Variants in FRMD3 observed in about 807,000 individuals in gnomAD.
FRMD3 encodes FERM domain-containing protein 3.
Under a neutral mutation model 70.2 loss-of-function variants are expected in FRMD3, and 33 were observed. The observed-to-expected ratio is 0.47, with a 90% CI of 0.36 to 0.63. The LOEUF (loss-of-function observed/expected upper bound fraction) is 0.63. Ranked by LOEUF, FRMD3 falls within the 20% of genes least tolerant of loss-of-function variation. The pLI, the probability that FRMD3 is intolerant of heterozygous loss-of-function variation, is 0.00. For synonymous variants in FRMD3, 279 were observed against 255.9 expected (o/e 1.09, Z -0.86); for missense variants, 632 against 711.4 (o/e 0.89, Z 1.27).
At chr9:83,362,604 T>C (rs72743083) in intron 3 of FRMD3, among the ~76,000 whole-genome samples, 20,445 of 152,166 alleles carry the variant, frequency 0.13, 1,476 homozygotes, top group Non-Finnish European at 0.15. Flanking sequence ...TTAACTACCT[T>C]GCTGTGCTAA....
At chr9:83,412,320 TG>T (rs1826302506) in intron 1 of FRMD3, among the ~76,000 whole-genome samples, 1 of 152,212 alleles carries the variant, frequency 6.6e-6, no homozygotes, top group African/African-American at 2.4e-5. Flanking sequence ...TTTTAGTAAC[TG>T]CAAATAAAGC....
the FRMD3 span, among the ~76,000 whole-genome samples, chr9:83,567,484 T>A: frequency 1.3e-5 from 2 of 152,198 alleles, no homozygotes; most frequent in African/African-American, 4.8e-5. Context: ...TTTGAATTTC[T>A]CCTCAAAAAA....
intron 3 of FRMD3, chr9:83,350,716 T>C (rs1160695852): frequency 2.1e-6 from 2 of 973,120 alleles, no homozygotes; most frequent in Non-Finnish European, 2.4e-6. Flanking sequence ...CTGGTTTCCC[T>C]GAAGGGAAAA....
chr9:83,318,481 A>G (rs1339432518), intron 6 of FRMD3, among the ~76,000 whole-genome samples: 4 of 150,940 alleles, frequency 2.7e-5, no homozygotes, highest in Admixed American at 6.6e-5. Flanking sequence ...TATATATAAT[A>G]TGTGTGTGTG....
chr9:83,555,357 G>A, the FRMD3 span, among the ~76,000 whole-genome samples: 1 of 151,990 alleles, frequency 6.6e-6, no homozygotes, highest in Non-Finnish European at 1.5e-5. Context: ...CCTACCCAGT[G>A]AGGGGGAATG....
rs1832078547 is a variant in FRMD3 at position 83,246,065 on chromosome 9, G to A, written c.*1853C>T. Reference sequence around the variant, plus strand: ...CTCGACTGCAGGCTTCACGAACTGAGTTTCAAAACTCATTTCCAAAATTAA... The same window carrying A: ...CTCGACTGCAGGCTTCACGAACTGAATTTCAAAACTCATTTCCAAAATTAA... On this transcript the variant is annotated 3_prime_UTR_variant, in exon 14 of 14. Coordinates refer to ENST00000304195, the MANE Select transcript of FRMD3 (RefSeq NM_174938.6). The A allele has an allele frequency of 1.0e-5, 10 of 985,386 alleles. No homozygotes were observed. The highest frequency in any genetic ancestry group is 1.2e-5 in the Non-Finnish European group (10 of 829,938). The allele number at this position is 985,386 out of a possible 1,614,324, so 61.0% of individuals were successfully genotyped here.
At position 83,341,220 on chromosome 9, in the gene FRMD3, T is replaced by C. The variant is rs577787087; in HGVS notation, c.472+1970A>G. Reference sequence around the variant, plus strand: ...TGCTATAAATGACCACAGACAGCACTGCATTTGAGAGCCAAAAGGTCTTTT... The same window carrying C: ...TGCTATAAATGACCACAGACAGCACCGCATTTGAGAGCCAAAAGGTCTTTT... On this transcript the variant is annotated intron_variant, in intron 5 of 13. Coordinates refer to ENST00000304195, the MANE Select transcript of FRMD3 (RefSeq NM_174938.6). Among the ~76,000 whole-genome samples the C allele has an allele frequency of 1.2e-4, 19 of 152,286 alleles. 1 individual carries two copies. In the South Asian group the frequency reaches 3.1e-3, roughly 25 times the overall value.
chr9:83,568,632 G>A, the FRMD3 span, among the ~76,000 whole-genome samples: 9 of 152,234 alleles, frequency 5.9e-5, no homozygotes, highest in Admixed American at 2.6e-4. Flanking sequence ...GTCACCAGAC[G>A]CTGTGGGGTG....
At chr9:83,255,009 G>A (rs1346926749) in intron 13 of FRMD3, among the ~76,000 whole-genome samples, 6 of 152,080 alleles carry the variant, frequency 3.9e-5, no homozygotes, top group African/African-American at 1.4e-4. Context: ...GAAAAGGAAG[G>A]ACTTTTACCT....
the FRMD3 span, among the ~76,000 whole-genome samples, chr9:83,558,873 T>C: frequency 0.025 from 3,830 of 152,272 alleles, 172 homozygotes; most frequent in African/African-American, 0.087. Context: ...GTGGAGGAAA[T>C]AGCAAGAGAA....
chr9:83,320,626 G>C (rs899145978), intron 6 of FRMD3, among the ~76,000 whole-genome samples: 3 of 152,028 alleles, frequency 2.0e-5, no homozygotes, highest in African/African-American at 7.3e-5. Context: ...ATATTGATCT[G>C]TAATTTTCTT....
intron 6 of FRMD3, among the ~76,000 whole-genome samples, chr9:83,314,383 C>T (rs1835481395): frequency 6.6e-6 from 1 of 152,200 alleles, no homozygotes; most frequent in East Asian, 1.9e-4. Flanking sequence ...ATTTCAAAGA[C>T]CCCACTTTGA....
rs571395500 is a variant in FRMD3 at position 83,468,550 on chromosome 9, A to C, written c.147+69535T>G. On this transcript the variant is annotated intron_variant, in intron 1 of 13. Coordinates refer to ENST00000304195, the MANE Select transcript of FRMD3 (RefSeq NM_174938.6). ...CGGTTCATTTCTTCTCTTTATTAAC[A>C]ATAAGGAATTAATTAGGCTTATGGC... 1.4e-3 allele frequency among the ~76,000 whole-genome samples: 211 copies of C among 152,256 alleles called. 1 individual carries two copies. The highest frequency in any genetic ancestry group is 4.9e-3 in the African/African-American group (204 of 41,534).
intron 6 of FRMD3, among the ~76,000 whole-genome samples, chr9:83,321,950 T>C (rs551863146): frequency 1.3e-5 from 2 of 152,258 alleles, no homozygotes; most frequent in African/African-American, 4.8e-5. Context: ...AGCAGAGCAG[T>C]GGGTATTGTC....
intron 9 of FRMD3, 76 bp from the exon 10 acceptor site, chr9:83,309,700 G>T: frequency 1.3e-6 from 1 of 786,276 alleles, no homozygotes; most frequent in Non-Finnish European, 2.1e-6. Context: ...TTTTTTTCAG[G>T]TGTTTACCTC....
At chr9:83,541,517 C>T (rs1340626003), upstream of FRMD3, among the ~76,000 whole-genome samples, 1 of 152,224 alleles carries the variant, frequency 6.6e-6, no homozygotes, top group African/African-American at 2.4e-5. Flanking sequence ...AGGGGGCATC[C>T]ACCAAGATTT....
chr9:83,430,794 G>T (rs796688728), intron 1 of FRMD3, among the ~76,000 whole-genome samples: 15 of 152,302 alleles, frequency 9.8e-5, no homozygotes, highest in African/African-American at 3.6e-4. Context: ...TGAAAACTCA[G>T]CTGACCACTT....
At position 83,482,558 on chromosome 9, in the gene FRMD3, A is replaced by T. The variant is rs563748761; in HGVS notation, c.147+55527T>A. Among the ~76,000 whole-genome samples, 3 of 152,352 alleles carry T rather than the reference A, an allele frequency of 2.0e-5. No individual in the cohort carries two copies. The South Asian group carries it at 6.2e-4, about 32-fold the overall frequency. ...GGTGTACAATGTGGGATTACAAGCT[A>T]GTCAGTAAGATAAGAAATGCAAATT... On this transcript the variant is annotated intron_variant, in intron 1 of 13. Transcript: ENST00000304195.
In FRMD3 at chr9:83,324,359, G is replaced by A. The variant is rs376572455; in HGVS notation, c.597-10612C>T. ...ACCTATGGGAGGAGAGAGGGAGGTG[G>A]TCTGGGAGGGGCACATAGGAGACTT... On this transcript the variant is annotated intron_variant, in intron 6 of 13. Transcript: ENST00000304195. Among the ~76,000 whole-genome samples, 187 of 152,250 alleles carry A rather than the reference G, an allele frequency of 1.2e-3. 2 individuals carry two copies. Among genetic ancestry groups the A allele is most frequent in the African/African-American group, 4.0e-3 (167 of 41,574 alleles).
Sources: allele counts gnomAD v4.1 joint callset (sites outside exome capture counted in the v4.1 genomes callset), GRCh38; gene constraint gnomAD v4.1.1; transcripts MANE v1.5; gene names NCBI Gene and HGNC (gene_info 2026-07-23, HGNC 2026-07-21).